Variants in CDK10 observed in about 807,000 individuals in gnomAD.
CDK10 encodes the protein cyclin dependent kinase 10.
Under a neutral mutation model 51.0 loss-of-function variants are expected in CDK10, and 55 were observed. That is an observed-to-expected ratio of 1.08 (90% CI 0.87 to 1.35). The LOEUF is 1.35. Among genes scored for constraint, CDK10 ranks in the 40% most tolerant of loss-of-function variants. The pLI is 0.00. For synonymous variants in CDK10, 255 were observed against 199.1 expected (o/e 1.28, Z -2.36); for missense variants, 589 against 485.1 (o/e 1.21, Z -2.01).
Position 89,693,314 on chromosome 16 carries a change from T to C in CDK10, c.526T>C (p.Cys176Arg). ...VSNLLMTDKG[C>R]VKTADFGLAR... Reference sequence around the variant, plus strand: ...CAACTTGCTCATGACCGACAAGGGTTGTGTGAAGACAGGTGGGTGCAACTT... The same window carrying C: ...CAACTTGCTCATGACCGACAAGGGTCGTGTGAAGACAGGTGGGTGCAACTT... Residue 176 changes from cysteine to arginine, a missense_variant, in exon 7 of 13, where the codon TGT (cysteine) becomes CGT (arginine). Coordinates refer to ENST00000353379, the MANE Select transcript of CDK10 (RefSeq NM_052988.5). The C allele has an allele frequency of 6.2e-7, 1 of 1,614,122 alleles. No individual in the cohort carries two copies. Among genetic ancestry groups the C allele is most frequent in the Non-Finnish European group, 8.5e-7 (1 of 1,180,030 alleles).
At chr16:89,688,290 G>A (rs1316825161) in intron 1 of CDK10, among the ~76,000 whole-genome samples, 3 of 151,948 alleles carry the variant, frequency 2.0e-5, no homozygotes, top group Non-Finnish European at 4.4e-5. Flanking sequence ...CACCGTGTTA[G>A]TCAGGGTGCT....
intron 10 of CDK10, 29 bp downstream of exon 10, chr16:89,694,817 C>G: frequency 8.3e-7 from 1 of 1,205,550 alleles, no homozygotes; most frequent in Non-Finnish European, 1.1e-6. Context: ...CCCGCAGCCC[C>G]CGCCCGTGCC....
chr16:89,695,276 C>G lies in CDK10; in HGVS notation c.933-17C>G. ...GCCGCACTCACAAGTCGCACTAACG[C>G]AGGCTGCCTCCTCCAGGGCGACGGC... On this transcript the variant is annotated splice_polypyrimidine_tract_variant and intron_variant, in intron 11 of 12. Transcript: ENST00000353379. The G allele has an allele frequency of 6.2e-7, 1 of 1,605,802 alleles. No homozygotes were observed. Among genetic ancestry groups the G allele is most frequent in the Non-Finnish European group, 8.5e-7 (1 of 1,175,370 alleles).
intron 1 of CDK10, chr16:89,687,028 C>T: frequency 2.3e-6 from 1 of 440,360 alleles, no homozygotes; most frequent in Non-Finnish European, 4.0e-6. Context: ...GGATGCCTCG[C>T]GCCCGCGGAG....
In CDK10 at chr16:89,686,760, G is replaced by C; in HGVS notation, c.50G>C (p.Arg17Pro). ...GAGCAGATCCGTCTGAAGTGTATTC[G>C]TAAGGAGGGCTTCTTCACGGTGCCT... is the stretch of plus-strand genomic sequence containing the variant. ...ECEQIRLKCI[R>P]KEGFFTVPPE... The change falls in exon 1 of 13, where the codon CGT (arginine) becomes CCT (proline). Residue 17 changes from arginine (R) to proline (P), a missense_variant. Transcript: ENST00000353379. The C allele has an allele frequency of 6.2e-7, 1 of 1,612,518 alleles. No homozygotes were observed. Among genetic ancestry groups the C allele is most frequent in the African/African-American group, 1.3e-5 (1 of 75,004 alleles).
chr16:89,688,722 G>A (rs1434111500), intron 1 of CDK10, among the ~76,000 whole-genome samples: 2 of 152,190 alleles, frequency 1.3e-5, no homozygotes, highest in Non-Finnish European at 2.9e-5. Flanking sequence ...TTTGTATGTG[G>A]GATTGAAAGG....
chr16:89,693,310 G>T lies in CDK10; in HGVS notation c.522G>T (p.Lys174Asn). ...LKVSNLLMTDKGCVKTADFGL... is the reference protein window; with the variant it reads ...LKVSNLLMTDNGCVKTADFGL... ...TTTCCAACTTGCTCATGACCGACAA[G>T]GGTTGTGTGAAGACAGGTGGGTGCA... The change falls in exon 7 of 13, where the codon AAG becomes AAT. Residue 174 changes from lysine (K) to asparagine (N), a missense_variant. Coordinates refer to ENST00000353379, the MANE Select transcript of CDK10 (RefSeq NM_052988.5). 1.2e-6 allele frequency: 2 copies of T among 1,614,160 alleles called. No individual in the cohort carries two copies. The highest frequency in any genetic ancestry group is 1.1e-5 in the South Asian group (1 of 91,082).
At chr16:89,694,118 G>A in intron 8 of CDK10, 55 bp from the exon 9 acceptor site, 1 of 1,567,114 alleles carries the variant, frequency 6.4e-7, no homozygotes, top group Non-Finnish European at 8.8e-7. Flanking sequence ...TCCTGTGGAG[G>A]CCTGGGCTGG....
rs746731040 is a variant in CDK10 at position 89,690,634 on chromosome 16, A to C, written c.232+10A>C. 1.9e-6 allele frequency: 3 copies of C among 1,612,664 alleles called. No homozygotes were observed. In the East Asian group the frequency reaches 6.7e-5, roughly 36 times the overall value. Reference sequence around the variant, plus strand: ...GACAAGGAGAAGGATGGTGAGCAGGAAATTGGGGTGTTGGGACCTCGCACT... The same window carrying C: ...GACAAGGAGAAGGATGGTGAGCAGGCAATTGGGGTGTTGGGACCTCGCACT... On this transcript the variant is annotated intron_variant, in intron 3 of 12. Coordinates refer to ENST00000353379, the MANE Select transcript of CDK10 (RefSeq NM_052988.5).
intron 5 of CDK10, 198 bp downstream of exon 5, chr16:89,692,085 G>T: frequency 1.6e-6 from 1 of 608,968 alleles, no homozygotes; most frequent in Non-Finnish European, 2.9e-6. Context: ...CCCCAGGGCC[G>T]AGAGCCTTAT....
At chr16:89,692,427 G>A (rs1261857741) in intron 5 of CDK10, 22 bp from the exon 6 acceptor site, 1 of 1,524,202 alleles carries the variant, frequency 6.6e-7, no homozygotes, top group Non-Finnish European at 8.8e-7. Context: ...ACCCTGACTG[G>A]TACCTCTGAC....
intron 12 of CDK10, 48 bp from the exon 13 acceptor site, chr16:89,695,547 C>T: frequency 6.4e-7 from 1 of 1,568,998 alleles, no homozygotes; most frequent in Non-Finnish European, 8.6e-7. Flanking sequence ...GCCTGCTCCT[C>T]CTATCTGGGG....
intron 6 of CDK10, chr16:89,692,823 G>A (rs2060511920): frequency 4.0e-6 from 1 of 249,546 alleles, no homozygotes; most frequent in Non-Finnish European, 7.7e-6. Flanking sequence ...CAGCATGTAA[G>A]AGTTAATGAA....
At chr16:89,689,437 C>T (rs2060344845) in intron 2 of CDK10, 113 bp downstream of exon 2, 9 of 856,712 alleles carry the variant, frequency 1.1e-5, no homozygotes, top group Non-Finnish European at 1.8e-5. Context: ...ACCCTGTGCT[C>T]TGAAACAGGG....
rs1392483009 is a variant in CDK10 at position 89,693,719 on chromosome 16, C to T, written c.608+252C>T. On this transcript the variant is annotated intron_variant, in intron 8 of 12. Coordinates refer to ENST00000353379, the MANE Select transcript of CDK10 (RefSeq NM_052988.5). ...CACACCTCGCCTTGAGAGCTGGAAA[C>T]ACCGTGGCCGTGAAACCATCTCTGG... is the stretch of plus-strand genomic sequence containing the variant. 5.4e-5 allele frequency: 31 copies of T among 577,294 alleles called. No individual in the cohort carries two copies. In the Admixed American group the frequency reaches 8.3e-4, roughly 15 times the overall value. 35.8% of individuals were successfully genotyped at this position (577,294 alleles called of 1,614,324 possible). A position where few individuals can be genotyped will look rare whatever the true frequency, so the allele number is the denominator to read the frequency against.
intron 1 of CDK10, 76 bp from the exon 2 acceptor site, chr16:89,689,176 C>A: frequency 1.4e-6 from 2 of 1,388,322 alleles, no homozygotes; most frequent in Non-Finnish European, 2.0e-6. Context: ...CTCCCTGGTA[C>A]AAATTCCATT....
At position 89,687,795 on chromosome 16, in the gene CDK10, A is replaced by G. The variant is rs563678490; in HGVS notation, c.87+998A>G. ...TGGACACCCAGAAATAAGCGTGTCG[A>G]GAAGAGCACAAGCAGAGGATGTGAG... On this transcript the variant is annotated intron_variant, in intron 1 of 12. Coordinates refer to ENST00000353379, the MANE Select transcript of CDK10 (RefSeq NM_052988.5). The G allele has an allele frequency of 6.2e-5, 22 of 354,742 alleles. No homozygotes were observed. In the East Asian group the frequency reaches 1.6e-3, roughly 26 times the overall value. 22.0% of individuals were successfully genotyped at this position (354,742 alleles called of 1,614,324 possible). A position where few individuals can be genotyped will look rare whatever the true frequency, so the allele number is the denominator to read the frequency against.
Position 89,691,967 on chromosome 16 carries a change from T to C in CDK10, c.417+80T>C, listed in dbSNP as rs768086650. The stretch of plus-strand genomic sequence containing the variant: ...GCACATTTATAACGAAACAGGGCAC[T>C]TGGGGACTTGAAGAGCTGCTGCTGC... On this transcript the variant is annotated intron_variant, in intron 5 of 12. Transcript: ENST00000353379. 6 of 1,185,058 alleles carry C rather than the reference T, an allele frequency of 5.1e-6. No individual in the cohort carries two copies. The East Asian group carries it at 9.7e-5, about 19-fold the overall frequency. The allele number at this position is 1,185,058 out of a possible 1,614,324, so 73.4% of individuals were successfully genotyped here. A position where few individuals can be genotyped will look rare whatever the true frequency, so the allele number is the denominator to read the frequency against.
In CDK10 at chr16:89,694,693, C is replaced by T; in HGVS notation, c.697C>T (p.Leu233=). 1 of 1,588,996 alleles carries T rather than the reference C, an allele frequency of 6.3e-7. No individual in the cohort carries two copies. The highest frequency in any genetic ancestry group is 8.6e-7 in the Non-Finnish European group (1 of 1,168,458). The change falls in exon 10 of 13, where the codon CTG becomes TTG. Residue 233 remains leucine (L), a synonymous_variant. Coordinates refer to ENST00000353379, the MANE Select transcript of CDK10 (RefSeq NM_052988.5). ...WAVGCILAEL[L]AHRPLLPGTS... is the part of the protein sequence containing the mutation. ...TGTGGGCTGCATACTGGCCGAGCTG[C>T]TGGCGCACAGGCCTCTTCTCCCCGG...
Sources: allele counts gnomAD v4.1 joint callset (sites outside exome capture counted in the v4.1 genomes callset), GRCh38; gene constraint gnomAD v4.1.1; transcripts MANE v1.5; gene names NCBI Gene and HGNC (gene_info 2026-07-23, HGNC 2026-07-21).